Variants in ADGRL2 observed in about 807,000 individuals in gnomAD.
The protein encoded by ADGRL2 is adhesion G protein-coupled receptor L2, also known as calcium-independent alpha-latrotoxin receptor 2.
In ADGRL2, 44 loss-of-function variants were observed where a neutral mutation model predicts 157.4. The observed-to-expected ratio is 0.28, with a 90% CI of 0.22 to 0.36. The LOEUF (loss-of-function observed/expected upper bound fraction) is 0.36, where lower values mean the gene tolerates loss of function less well. ADGRL2 is among the 10% of genes least tolerant of loss of function. The pLI is 1.00. For missense variants in ADGRL2, 1,510 were observed against 1,768.9 expected (o/e 0.85, Z 2.63); for synonymous variants, 585 against 624.7 (o/e 0.94, Z 0.95).
chr1:81,444,208 T>C (rs963990264), intron 1 of ADGRL2, among the ~76,000 whole-genome samples: 1 of 152,234 alleles, frequency 6.6e-6, no homozygotes. Context: ...TGGCAACTGA[T>C]ACTAATGCAA....
At chr1:81,419,178 CAG>C (rs1430771309) in intron 1 of ADGRL2, among the ~76,000 whole-genome samples, 1 of 152,092 alleles carries the variant, frequency 6.6e-6, no homozygotes, top group African/African-American at 2.4e-5. Context: ...CAACCTTATA[CAG>C]AAAGTCTTCT....
chr1:81,494,873 C>T (rs563963579), intron 2 of ADGRL2, among the ~76,000 whole-genome samples: 6 of 152,220 alleles, frequency 3.9e-5, no homozygotes, highest in African/African-American at 1.2e-4. Flanking sequence ...TGCTAACCTA[C>T]ATTACCATAT....
At chr1:81,755,053 A>T (rs919118285) in intron 1 of ADGRL2, among the ~76,000 whole-genome samples, 2 of 150,822 alleles carry the variant, frequency 1.3e-5, no homozygotes, top group Admixed American at 1.3e-4. Context: ...GATTCTCTGA[A>T]TAAATATATT....
chr1:81,673,640 A>G (rs1485349862), intron 3 of ADGRL2, among the ~76,000 whole-genome samples: 1 of 148,824 alleles, frequency 6.7e-6, no homozygotes, highest in Non-Finnish European at 1.5e-5. Context: ...TCAGCCTCCC[A>G]AGGAGCTGGG....
In ADGRL2 at chr1:81,495,900, G is replaced by A. The variant is rs564002217; in HGVS notation, c.-248+50811G>A. Among the ~76,000 whole-genome samples the A allele has an allele frequency of 3.9e-5, 6 of 152,204 alleles. No individual in the cohort carries two copies. The South Asian group carries it at 1.0e-3, about 26-fold the overall frequency. Reference sequence around the variant, plus strand: ...TTCTAGATTTCTAGTTATTGAGAGGGTACAAACATCCATTGCTCTTTGTCA... The same window carrying A: ...TTCTAGATTTCTAGTTATTGAGAGGATACAAACATCCATTGCTCTTTGTCA... On this transcript the variant is annotated intron_variant, in intron 2 of 24. Transcript: ENST00000370721.
rs764455185 is a variant in ADGRL2, at chr1:81,951,063, C to T, written c.1550C>T (p.Pro517Leu). The T allele has an allele frequency of 1.2e-6, 2 of 1,613,532 alleles. No homozygotes were observed. The highest frequency in any genetic ancestry group is 8.5e-7 in the Non-Finnish European group (1 of 1,179,564). Residue 517 changes from proline (P) to leucine (L), a missense_variant, in exon 8 of 24, where the codon CCT (proline) becomes CTT (leucine). Coordinates refer to ENST00000686636, the MANE Select transcript of ADGRL2 (RefSeq NM_001366006.2). ...ATGATTTCCACTGGAACATGGAACCCTAAGGGCCCCGATCTTAGCAACTGT... is the reference window on the plus strand; with the variant it reads ...ATGATTTCCACTGGAACATGGAACCTTAAGGGCCCCGATCTTAGCAACTGT... ...LCMISTGTWN[P>L]KGPDLSNCTS...
chr1:81,653,155 G>A (rs1476883191), intron 3 of ADGRL2, among the ~76,000 whole-genome samples: 1 of 151,920 alleles, frequency 6.6e-6, no homozygotes, highest in Non-Finnish European at 1.5e-5. Context: ...AAGTAGTAGG[G>A]TATTTTTCAT....
At chr1:81,766,847 GAA>G (rs66946051) in intron 2 of ADGRL2, among the ~76,000 whole-genome samples, 40,235 of 117,576 alleles carry the variant, frequency 0.34, 6,806 homozygotes, top group East Asian at 0.76. Context: ...AAAAAAAAAG[GAA>G]AAAAAAAAAA....
At chr1:81,402,485 C>T (rs558516986) in intron 1 of ADGRL2, among the ~76,000 whole-genome samples, 44 of 152,196 alleles carry the variant, frequency 2.9e-4, no homozygotes, top group African/African-American at 1.0e-3. Flanking sequence ...TCAACCCTCT[C>T]GGTATACATT....
chr1:81,876,070 T>C (rs2093831643), intron 2 of ADGRL2, among the ~76,000 whole-genome samples: 1 of 152,186 alleles, frequency 6.6e-6, no homozygotes, highest in African/African-American at 2.4e-5. Context: ...TTGTAAAAAG[T>C]TGGACATTTT....
chr1:81,722,148 C>G lies in ADGRL2; in HGVS notation c.-143+22340C>G, dbSNP rs1570959617. On this transcript the variant is annotated intron_variant, in intron 1 of 20. Coordinates refer to the ADGRL2 transcript ENST00000359929. The stretch of plus-strand genomic sequence containing the variant: ...TCTACTAAAAAATATAAAAAATTAG[C>G]CGGGAGCGGTGGCAGGCGCCTGTAG... The G allele has an allele frequency of 1.9e-5, 7 of 362,542 alleles. No individual in the cohort carries two copies. In the East Asian group the frequency reaches 5.0e-4, roughly 26 times the overall value. 22.5% of individuals were successfully genotyped at this position (362,542 alleles called of 1,614,324 possible).
At chr1:81,973,102 C>T (rs1572451949) in intron 17 of ADGRL2, among the ~76,000 whole-genome samples, 1 of 151,688 alleles carries the variant, frequency 6.6e-6, no homozygotes, top group Admixed American at 6.6e-5. Flanking sequence ...AGAAAAACTT[C>T]TAGTACTTGA....
intron 3 of ADGRL2, chr1:81,586,507 G>A (rs1379771201): frequency 6.6e-6 from 1 of 151,966 alleles, no homozygotes; most frequent in South Asian, 2.1e-4. Context: ...TTTAATCAAG[G>A]ATCACTAATA....
chr1:81,361,652 C>T (rs1348394367), intron 1 of ADGRL2, among the ~76,000 whole-genome samples: 1 of 151,894 alleles, frequency 6.6e-6, no homozygotes, highest in African/African-American at 2.4e-5. Flanking sequence ...AATAAGCAAT[C>T]TGCTTTGACA....
chr1:81,569,796 C>T (rs2148490464), intron 2 of ADGRL2, among the ~76,000 whole-genome samples: 1 of 152,068 alleles, frequency 6.6e-6, no homozygotes, highest in Admixed American at 6.6e-5. Flanking sequence ...GATGACAGAG[C>T]CAGACCTTGT....
intron 1 of ADGRL2, among the ~76,000 whole-genome samples, chr1:81,713,511 G>A (rs1486962496): frequency 2.6e-5 from 4 of 152,190 alleles, no homozygotes; most frequent in Non-Finnish European, 5.9e-5. Flanking sequence ...ATGAGAATGA[G>A]TGTGATGAAA....
At chr1:81,362,114 C>T (rs181837381) in intron 1 of ADGRL2, among the ~76,000 whole-genome samples, 57 of 152,042 alleles carry the variant, frequency 3.7e-4, no homozygotes, top group African/African-American at 1.3e-3. Context: ...TTTGGCCCTC[C>T]ATGGGATTGC....
chr1:81,845,683 ATT>A (rs61432254), intron 2 of ADGRL2, among the ~76,000 whole-genome samples: 3 of 144,614 alleles, frequency 2.1e-5, no homozygotes, highest in East Asian at 2.0e-4. Context: ...TACTTTTCTT[ATT>A]TTTTTTTTTA....
intron 2 of ADGRL2, among the ~76,000 whole-genome samples, chr1:81,494,282 T>C (rs1319400823): frequency 6.6e-6 from 1 of 152,152 alleles, no homozygotes; most frequent in Admixed American, 6.5e-5. Context: ...TGAAACAAGA[T>C]AATGTGTCCC....
Sources: gnomAD v4.1 joint callset for allele counts (sites outside exome capture counted in the v4.1 genomes callset) on GRCh38, gnomAD v4.1.1 for gene constraint, MANE v1.5 for transcripts, NCBI Gene and HGNC (gene_info 2026-07-23, HGNC 2026-07-21) for gene names.